DIAPH3: variants seen among roughly 807,000 people sequenced by gnomAD.
DIAPH3 encodes protein diaphanous homolog 3.
A neutral mutation model predicts 144.3 loss-of-function variants in DIAPH3; 117 were observed. That is an observed-to-expected ratio of 0.81 (90% CI 0.70 to 0.95). The LOEUF (loss-of-function observed/expected upper bound fraction) is 0.95. Ranked by LOEUF, DIAPH3 falls within the 40% of genes least tolerant of loss-of-function variation. The pLI, the probability that DIAPH3 is intolerant of heterozygous loss-of-function variation, is 0.00. For synonymous variants in DIAPH3, 519 were observed against 488.9 expected (o/e 1.06, Z -0.81); for missense variants, 1,421 against 1,412.7 (o/e 1.01, Z -0.09).
intron 4 of DIAPH3, among the ~76,000 whole-genome samples, chr13:60,084,843 G>C (rs1320721065): frequency 1.3e-5 from 2 of 152,068 alleles, no homozygotes; most frequent in African/African-American, 2.4e-5. Flanking sequence ...TGAGGGTTGT[G>C]GGGGAAACCA....
At chr13:59,964,757 ATTTC>A (rs1462666352) in intron 17 of DIAPH3, among the ~76,000 whole-genome samples, 1 of 152,084 alleles carries the variant, frequency 6.6e-6, no homozygotes, top group Non-Finnish European at 1.5e-5. Context: ...CCATTTCATA[ATTTC>A]TTTAAGTCTT....
chr13:59,799,574 C>T (rs1022916862), intron 25 of DIAPH3, among the ~76,000 whole-genome samples: 2 of 152,190 alleles, frequency 1.3e-5, no homozygotes, highest in Non-Finnish European at 2.9e-5. Flanking sequence ...TATAAGAGCA[C>T]ATAAAACAAA....
At chr13:60,041,351 G>A (rs936709648) in intron 5 of DIAPH3, among the ~76,000 whole-genome samples, 5 of 152,112 alleles carry the variant, frequency 3.3e-5, no homozygotes, top group African/African-American at 7.2e-5. Flanking sequence ...GTCTGGTAAC[G>A]CGAGGTAAAT....
At chr13:60,145,404 C>T (rs1396050455) in intron 1 of DIAPH3, among the ~76,000 whole-genome samples, 4 of 152,224 alleles carry the variant, frequency 2.6e-5, no homozygotes, top group Non-Finnish European at 4.4e-5. Flanking sequence ...GTAATCCCAG[C>T]AGGGAGGCTG....
At chr13:59,705,080 ATT>A (rs917020750) in intron 27 of DIAPH3, among the ~76,000 whole-genome samples, 1 of 151,992 alleles carries the variant, frequency 6.6e-6, no homozygotes, top group African/African-American at 2.4e-5. Context: ...AGAAAACAGA[ATT>A]TTTTTTACCA....
At chr13:59,931,981 T>C (rs1409747134) in intron 17 of DIAPH3, among the ~76,000 whole-genome samples, 1 of 152,208 alleles carries the variant, frequency 6.6e-6, no homozygotes, top group Non-Finnish European at 1.5e-5. Context: ...CCAGATACCA[T>C]ATAACAACAC....
chr13:59,991,847 A>G (rs1306405900), intron 11 of DIAPH3, among the ~76,000 whole-genome samples: 1 of 152,044 alleles, frequency 6.6e-6, no homozygotes, highest in African/African-American at 2.4e-5. Context: ...TACATATAAG[A>G]AACCAATCTA....
At chr13:60,091,130 T>A (rs550334442) in intron 4 of DIAPH3, among the ~76,000 whole-genome samples, 2 of 152,336 alleles carry the variant, frequency 1.3e-5, no homozygotes, top group African/African-American at 4.8e-5. Flanking sequence ...TTCCTACTTG[T>A]TAGATTTACA....
chr13:60,096,247 A>T (rs1274931499), intron 3 of DIAPH3, among the ~76,000 whole-genome samples: 4 of 152,242 alleles, frequency 2.6e-5, no homozygotes, highest in Non-Finnish European at 5.9e-5. Flanking sequence ...CTAATGGCCA[A>T]ACATTACCCA....
intron 22 of DIAPH3, among the ~76,000 whole-genome samples, chr13:59,851,636 T>A (rs989997125): frequency 2.5e-5 from 1 of 40,704 alleles, no homozygotes; most frequent in African/African-American, 5.9e-5. Context: ...TAGATGAATC[T>A]TTTTTTTTTT....
intron 4 of DIAPH3, among the ~76,000 whole-genome samples, chr13:60,057,492 T>C (rs2056603081): frequency 6.6e-6 from 1 of 151,998 alleles, no homozygotes. Context: ...ACAGATTCAA[T>C]GCAATTCCTA....
chr13:59,907,793 A>T (rs1054089727), intron 20 of DIAPH3, among the ~76,000 whole-genome samples: 2 of 152,254 alleles, frequency 1.3e-5, no homozygotes, highest in African/African-American at 4.8e-5. Context: ...TACCACAAAA[A>T]GTATCCATGT....
intron 4 of DIAPH3, among the ~76,000 whole-genome samples, chr13:60,086,599 G>T (rs1290914130): frequency 1.3e-5 from 1 of 76,634 alleles, no homozygotes; most frequent in African/African-American, 4.9e-5. Flanking sequence ...GGAAATAGAA[G>T]CAAAAAAAAA....
chr13:60,002,586 T>C (rs949069705), intron 9 of DIAPH3, among the ~76,000 whole-genome samples: 2 of 152,216 alleles, frequency 1.3e-5, no homozygotes, highest in Non-Finnish European at 2.9e-5. Flanking sequence ...CAGACTAACA[T>C]GTCAGTTTAC....
intron 4 of DIAPH3, among the ~76,000 whole-genome samples, chr13:60,046,452 T>TC (rs1168957643): frequency 1.3e-5 from 2 of 152,144 alleles, no homozygotes; most frequent in Non-Finnish European, 2.9e-5. Flanking sequence ...ACAATGGCGA[T>TC]CATTAAAAAG....
At chr13:60,148,692 A>C (rs1487058099) in intron 1 of DIAPH3, among the ~76,000 whole-genome samples, 2 of 152,256 alleles carry the variant, frequency 1.3e-5, no homozygotes, top group Non-Finnish European at 2.9e-5. Context: ...CAAGGTTTGT[A>C]CAAATACAAT....
chr13:59,922,641 A>G (rs2140294178), intron 18 of DIAPH3, among the ~76,000 whole-genome samples: 1 of 152,234 alleles, frequency 6.6e-6, no homozygotes, highest in African/African-American at 2.4e-5. Flanking sequence ...TGAAGATCAT[A>G]GGCTGCTAAA....
intron 17 of DIAPH3, among the ~76,000 whole-genome samples, chr13:59,965,102 C>T (rs1019410275): frequency 6.6e-6 from 1 of 152,152 alleles, no homozygotes; most frequent in Non-Finnish European, 1.5e-5. Context: ...CGCCAAGTTG[C>T]TGGGATAATC....
intron 20 of DIAPH3, among the ~76,000 whole-genome samples, chr13:59,883,624 T>A (rs2045233516): frequency 6.6e-6 from 1 of 152,120 alleles, no homozygotes; most frequent in Non-Finnish European, 1.5e-5. Context: ...CAGAAAAGCA[T>A]TTCAGGAAGG....
Sources: gnomAD v4.1 joint callset for allele counts (sites outside exome capture counted in the v4.1 genomes callset) on GRCh38, gnomAD v4.1.1 for gene constraint, MANE v1.5 for transcripts, NCBI Gene and HGNC (gene_info 2026-07-23, HGNC 2026-07-21) for gene names.